NELL1: variants seen among roughly 807,000 people sequenced by gnomAD.
NELL1 encodes the protein protein kinase C-binding protein NELL1.
Under a neutral mutation model 107.4 loss-of-function variants are expected in NELL1, and 76 were observed. The observed-to-expected ratio is 0.71, with a 90% CI of 0.59 to 0.86. The LOEUF (loss-of-function observed/expected upper bound fraction) is 0.86, where lower values mean the gene tolerates loss of function less well. NELL1 is among the 40% of genes least tolerant of loss of function. The pLI, the probability that NELL1 is intolerant of heterozygous loss-of-function variation, is 0.00. For missense variants in NELL1, 1,024 were observed against 1,005.5 expected, an observed-to-expected ratio of 1.02 and a Z score of -0.25; for synonymous variants, 353 against 341.2, an observed-to-expected ratio of 1.03 and a Z score of -0.38.
In NELL1 at chr11:21,227,846, G is replaced by A. The variant is rs543666119; in HGVS notation, c.1427-1486G>A. Among the ~76,000 whole-genome samples, 6 of 152,262 alleles carry A rather than the reference G, an allele frequency of 3.9e-5. 1 individual carries two copies. In the South Asian group the frequency reaches 1.2e-3, roughly 32 times the overall value. ...AATCAACAATCAGATGCATGTGTGT[G>A]CCCTACCTCTGTTGTGTGTGTGTGA... On this transcript the variant is annotated intron_variant, in intron 13 of 19. Transcript: ENST00000357134.
intron 3 of NELL1, among the ~76,000 whole-genome samples, chr11:20,799,352 A>G (rs2134000144): frequency 6.6e-6 from 1 of 152,340 alleles, no homozygotes; most frequent in South Asian, 2.1e-4. Context: ...TGTGATATTT[A>G]TACAAGGCCA....
chr11:21,510,573 T>A (rs984512754), intron 15 of NELL1, among the ~76,000 whole-genome samples: 1 of 152,168 alleles, frequency 6.6e-6, no homozygotes, highest in Non-Finnish European at 1.5e-5. Flanking sequence ...CCTACCCAAA[T>A]CTTCCAAAAT....
chr11:21,055,013 A>G (rs1853579969), intron 12 of NELL1, among the ~76,000 whole-genome samples: 1 of 152,060 alleles, frequency 6.6e-6, no homozygotes, highest in South Asian at 2.1e-4. Flanking sequence ...GTTTAATTTT[A>G]AAGAATTAAT....
At chr11:21,390,302 A>G (rs1441333175) in intron 15 of NELL1, among the ~76,000 whole-genome samples, 1 of 151,292 alleles carries the variant, frequency 6.6e-6, no homozygotes, top group Non-Finnish European at 1.5e-5. Flanking sequence ...AAGATTGGCT[A>G]TAGCTCCTTG....
chr11:20,874,321 G>A (rs989636163), intron 4 of NELL1, among the ~76,000 whole-genome samples: 6 of 152,196 alleles, frequency 3.9e-5, no homozygotes, highest in Non-Finnish European at 7.3e-5. Flanking sequence ...ACCCACCTCA[G>A]CCTCCCAAAG....
At chr11:20,672,273 C>G (rs368492280) in intron 1 of NELL1, among the ~76,000 whole-genome samples, 6 of 152,230 alleles carry the variant, frequency 3.9e-5, no homozygotes, top group African/African-American at 1.4e-4. Context: ...AGCATCCAAA[C>G]AGCTGCGTTG....
intron 12 of NELL1, among the ~76,000 whole-genome samples, chr11:21,113,010 A>G (rs1855143521): frequency 6.6e-6 from 1 of 152,020 alleles, no homozygotes; most frequent in South Asian, 2.1e-4. Flanking sequence ...TTGTTGAATC[A>G]GCCCATTATT....
At chr11:21,555,778 C>T (rs531655121) in intron 16 of NELL1, among the ~76,000 whole-genome samples, 10 of 151,980 alleles carry the variant, frequency 6.6e-5, no homozygotes, top group African/African-American at 1.7e-4. Context: ...TCAGGCTGAA[C>T]ATCCTGTGTT....
chr11:20,953,279 C>G (rs1028312381), intron 11 of NELL1, among the ~76,000 whole-genome samples: 8 of 152,126 alleles, frequency 5.3e-5, no homozygotes, highest in African/African-American at 1.4e-4. Flanking sequence ...TCAAAGGTAA[C>G]CTGCCTGACC....
chr11:20,768,994 A>T (rs910512340), intron 2 of NELL1, among the ~76,000 whole-genome samples: 6 of 152,184 alleles, frequency 3.9e-5, no homozygotes, highest in Non-Finnish European at 8.8e-5. Context: ...TAAGGGATTG[A>T]GGTAATGTGA....
intron 12 of NELL1, among the ~76,000 whole-genome samples, chr11:21,036,525 T>G (rs1484017899): frequency 1.3e-5 from 2 of 151,938 alleles, no homozygotes; most frequent in Non-Finnish European, 1.5e-5. Flanking sequence ...TCTTCAAGTA[T>G]TATCTCTTTC....
intron 13 of NELL1, among the ~76,000 whole-genome samples, chr11:21,155,616 C>T (rs1856214682): frequency 2.0e-5 from 3 of 151,996 alleles, no homozygotes; most frequent in Admixed American, 2.0e-4. Flanking sequence ...TGTAAAACCC[C>T]CCTTGGTTTG....
intron 12 of NELL1, among the ~76,000 whole-genome samples, chr11:21,111,742 A>G (rs1855112734): frequency 6.6e-6 from 1 of 152,076 alleles, no homozygotes; most frequent in African/African-American, 2.4e-5. Flanking sequence ...GATTAATTTA[A>G]ACCATGCTTA....
At chr11:21,137,432 A>G (rs1473110538) in intron 13 of NELL1, among the ~76,000 whole-genome samples, 1 of 152,228 alleles carries the variant, frequency 6.6e-6, no homozygotes, top group Non-Finnish European at 1.5e-5. Flanking sequence ...ATTCCATTGT[A>G]TTTGGCAAGA....
chr11:20,970,053 GTCCATCCA>G (rs3046320), intron 12 of NELL1, among the ~76,000 whole-genome samples: 1,411 of 126,010 alleles, frequency 0.011, 14 homozygotes, highest in East Asian at 0.034. Context: ...CTATCTCTCT[GTCCATCCA>G]TCCATCCATC....
intron 14 of NELL1, among the ~76,000 whole-genome samples, chr11:21,339,834 A>G (rs2133700868): frequency 6.6e-6 from 1 of 152,316 alleles, no homozygotes; most frequent in East Asian, 1.9e-4. Flanking sequence ...TTCCATGTCC[A>G]AGTCCAACCT....
At chr11:20,728,289 G>T (rs1391037082) in intron 2 of NELL1, among the ~76,000 whole-genome samples, 1 of 152,078 alleles carries the variant, frequency 6.6e-6, no homozygotes, top group Non-Finnish European at 1.5e-5. Context: ...TTCTTTTGCT[G>T]TGCAGAAGCT....
chr11:21,200,935 G>T (rs1857255766), intron 13 of NELL1, among the ~76,000 whole-genome samples: 1 of 152,226 alleles, frequency 6.6e-6, no homozygotes, highest in East Asian at 1.9e-4. Context: ...AAGATCAGAT[G>T]GTTGTAGATG....
chr11:20,719,578 GA>G (rs1284482139), intron 2 of NELL1, among the ~76,000 whole-genome samples: 1 of 152,120 alleles, frequency 6.6e-6, no homozygotes, highest in Non-Finnish European at 1.5e-5. Context: ...TAGCTCCCTG[GA>G]AACAGATCTC....
Sources: gnomAD v4.1 joint callset for allele counts (sites outside exome capture counted in the v4.1 genomes callset) on GRCh38, gnomAD v4.1.1 for gene constraint, MANE v1.5 for transcripts, NCBI Gene and HGNC (gene_info 2026-07-23, HGNC 2026-07-21) for gene names.